Variants in CFAP92 observed in about 807,000 individuals in gnomAD.
CFAP92 encodes the protein uncharacterized protein CFAP92.
CFAP92 carries 86 observed loss-of-function variants against 106.3 expected under a neutral mutation model. That is an observed-to-expected ratio of 0.81 (90% CI 0.68 to 0.97). The LOEUF (loss-of-function observed/expected upper bound fraction) is 0.97, where lower values mean the gene tolerates loss of function less well. Among genes scored for constraint, CFAP92 ranks in the 50% least tolerant of loss-of-function variants. The probability of loss-of-function intolerance (pLI) is 0.00; values close to 1 mark genes in which losing one functional copy is unlikely to be tolerated. For synonymous variants in CFAP92, 477 were observed against 506.4 expected (o/e 0.94, Z 0.78); for missense variants, 1,204 against 1,283.8 (o/e 0.94, Z 0.95).
In CFAP92 at chr3:128,913,790, C is replaced by T. The variant is rs554527296; in HGVS notation, c.3280+1329G>A. 3.9e-5 allele frequency among the ~76,000 whole-genome samples: 6 copies of T among 152,152 alleles called. No individual in the cohort carries two copies. In the South Asian group the frequency reaches 1.2e-3, roughly 32 times the overall value. On this transcript the variant is annotated intron_variant, in intron 15 of 15. Coordinates refer to ENST00000645291, the MANE Select transcript of CFAP92 (RefSeq NM_001394090.1). ...CGTGTAAATAACCTCTCAGTGAAAC[C>T]TGAAGTTCTGTTAGTGATAGCAGGG...
At chr3:128,964,112 A>G (rs1197671905) in intron 9 of CFAP92, among the ~76,000 whole-genome samples, 3 of 152,234 alleles carry the variant, frequency 2.0e-5, no homozygotes, top group Non-Finnish European at 4.4e-5. Context: ...TTATTAGTCA[A>G]ATCAGCCAAG....
intron 8 of CFAP92, 38 bp from the exon 9 acceptor site, chr3:128,965,733 G>A (rs979288093): frequency 1.5e-5 from 6 of 397,258 alleles, no homozygotes; most frequent in Non-Finnish European, 2.2e-5. Flanking sequence ...CTTTCCTCCC[G>A]ACACCCCCAA....
chr3:128,948,414 G>T (rs1940465799), intron 9 of CFAP92, among the ~76,000 whole-genome samples: 1 of 97,914 alleles, frequency 1.0e-5, no homozygotes, highest in African/African-American at 3.4e-5. Context: ...TGTAGAGACA[G>T]AGTTTTACCA....
intron 10 of CFAP92, among the ~76,000 whole-genome samples, chr3:128,944,432 G>A (rs761280017): frequency 1.3e-5 from 2 of 152,082 alleles, no homozygotes; most frequent in Non-Finnish European, 2.9e-5. Flanking sequence ...CCTCAACTCC[G>A]GGACTCCCCA....
Position 128,945,697 on chromosome 3 carries a change from A to G in CFAP92, c.1632T>C (p.Ser544=). 6.5e-7 allele frequency: 1 copy of G among 1,536,064 alleles called. No homozygotes were observed. Among genetic ancestry groups the G allele is most frequent in the East Asian group, 2.4e-5 (1 of 40,912 alleles). Residue 544 remains serine (S), a synonymous_variant, in exon 10 of 16, where the codon TCT becomes TCC. Transcript: ENST00000645291. ...DSYLNFQALI[S]PRETENNPFE... is the part of the protein sequence containing the mutation. ...AGGGGTTGTTCTCTGTCTCTCTGGG[A>G]GAGATGAGGGCCTGGAAGTTGAGGT... is the stretch of plus-strand genomic sequence containing the variant.
upstream of CFAP92, chr3:129,004,110 C>A: frequency 1.4e-6 from 2 of 1,461,318 alleles, no homozygotes. Context: ...GGCCCAAGTT[C>A]CCCAATTCGG....
intron 4 of CFAP92, among the ~76,000 whole-genome samples, chr3:128,983,667 ATTATAGATAACAT>A (rs903841716): frequency 6.6e-6 from 1 of 152,228 alleles, no homozygotes; most frequent in African/African-American, 2.4e-5. Flanking sequence ...TCAGTGTTGA[ATTATAGATAACAT>A]TTTTGGGGAA....
In CFAP92 at chr3:128,916,144, T is replaced by C; in HGVS notation, c.2879A>G (p.Glu960Gly). Residue 960 changes from glutamate (E) to glycine (G), a missense_variant, in exon 13 of 16, where the codon GAG (glutamate) becomes GGG (glycine). Physicochemically the swap from Glu to Gly is moderately conservative, Grantham distance 98. Coordinates refer to ENST00000645291, the MANE Select transcript of CFAP92 (RefSeq NM_001394090.1). ...NYSTQTMNSTELAKKELYQEI... is the reference protein window; with the variant it reads ...NYSTQTMNSTGLAKKELYQEI... ...TTGATACAGCTCCTTCTTGGCAAGC[T>C]CTGTAGAATTCATGGTCTGGGTACT... is the stretch of plus-strand genomic sequence containing the variant. The C allele has an allele frequency of 1.6e-6, 2 of 1,232,196 alleles. No homozygotes were observed. Among genetic ancestry groups the C allele is most frequent in the Non-Finnish European group, 2.0e-6 (2 of 987,990 alleles). The allele number at this position is 1,232,196 out of a possible 1,614,324, so 76.3% of individuals were successfully genotyped here. A position where few individuals can be genotyped will look rare whatever the true frequency, so the allele number is the denominator to read the frequency against.
At chr3:128,962,411 CTT>C (rs1451139800) in intron 9 of CFAP92, among the ~76,000 whole-genome samples, 1 of 152,152 alleles carries the variant, frequency 6.6e-6, no homozygotes, top group African/African-American at 2.4e-5. Context: ...AGACAATACT[CTT>C]TTATGCACTC....
chr3:128,944,903 G>A (rs1389696056), intron 10 of CFAP92, among the ~76,000 whole-genome samples, 168 bp downstream of exon 10: 2 of 152,076 alleles, frequency 1.3e-5, no homozygotes, highest in African/African-American at 2.4e-5. Context: ...AAAGCCAATC[G>A]AGTCTTCAAG....
Position 128,945,727 on chromosome 3 carries a change from A to T in CFAP92, c.1602T>A (p.Asp534Glu). The T allele has an allele frequency of 6.5e-7, 1 of 1,535,982 alleles. No individual in the cohort carries two copies. The highest frequency in any genetic ancestry group is 1.4e-5 in the African/African-American group (1 of 73,134). The change falls in exon 10 of 16, where the codon GAT (aspartate) becomes GAA (glutamate). Residue 534 changes from aspartate (D) to glutamate (E), a missense_variant. By Grantham distance (45) the Asp-to-Glu change is conservative. Transcript: ENST00000645291. Reference sequence around the variant, plus strand: ...TGAGGGCCTGGAAGTTGAGGTATGAATCCAGAGGGTCCTCCCCAAACAGCA... The same window carrying T: ...TGAGGGCCTGGAAGTTGAGGTATGATTCCAGAGGGTCCTCCCCAAACAGCA... ...KPVLFGEDPL[D>E]SYLNFQALIS... is the part of the protein sequence containing the mutation.
chr3:128,931,537 ATATAT>A (rs1472658589), intron 12 of CFAP92, among the ~76,000 whole-genome samples: 1 of 149,648 alleles, frequency 6.7e-6, no homozygotes, highest in African/African-American at 2.4e-5. Context: ...GTATATATAT[ATATAT>A]ATTACACAAG....
chr3:128,993,066 G>C lies in CFAP92; in HGVS notation c.239C>G (p.Ser80Ter). 2 of 1,614,090 alleles carry C rather than the reference G, an allele frequency of 1.2e-6. No homozygotes were observed. Among genetic ancestry groups the C allele is most frequent in the African/African-American group, 2.7e-5 (2 of 75,072 alleles). ...PHVVPCKFTI[S>*]LAFPVNMGQK... is the part of the protein sequence containing the mutation. ...ACCCATATTCACAGGGAAGGCCAGTGAGATGGTGAATTTGCAGGGGACCAC... is the reference window on the plus strand; with the variant it reads ...ACCCATATTCACAGGGAAGGCCAGTCAGATGGTGAATTTGCAGGGGACCAC... The change falls in exon 2 of 16, where the codon TCA becomes TGA. Residue 80 changes from serine to a stop codon, truncating the protein, a stop_gained. Coordinates refer to ENST00000645291, the MANE Select transcript of CFAP92 (RefSeq NM_001394090.1). LOFTEE classifies it high-confidence loss of function.
intron 1 of CFAP92, chr3:129,001,842 G>A: frequency 1.3e-6 from 2 of 1,545,732 alleles, no homozygotes; most frequent in Middle Eastern, 1.7e-4. Flanking sequence ...CCGCGGCGCC[G>A]GCCGTCTGCC....
At position 128,910,827 on chromosome 3, in the gene CFAP92, C is replaced by T; in HGVS notation, c.3281-494G>A. The T allele has an allele frequency of 6.2e-7, 1 of 1,613,940 alleles. No individual in the cohort carries two copies. The highest frequency in any genetic ancestry group is 8.5e-7 in the Non-Finnish European group (1 of 1,179,856). ...AGCTGGACAAGTGTGAGTGGCATGT[C>T]TTGGGGGAGGGAAGGAAGGGCCCAC... On this transcript the variant is annotated intron_variant, in intron 15 of 15. Transcript: ENST00000645291.
intron 15 of CFAP92, among the ~76,000 whole-genome samples, chr3:128,911,537 A>AAGCAACTCCTGTGCCTCAGCCTCCTGAGT (rs1936320480): frequency 6.6e-6 from 1 of 152,148 alleles, no homozygotes; most frequent in Non-Finnish European, 1.5e-5. Flanking sequence ...TCCTGGGTTC[A>AAGCAACTCCTGTGCCTCAGCCTCCTGAGT]AGCAACTCCT....
At chr3:128,911,412 G>C (rs1467854028) in intron 15 of CFAP92, among the ~76,000 whole-genome samples, 1 of 152,006 alleles carries the variant, frequency 6.6e-6, no homozygotes, top group African/African-American at 2.4e-5. Flanking sequence ...AGGACCCCTG[G>C]CATCTGCCCA....
the CFAP92 span, among the ~76,000 whole-genome samples, chr3:129,018,151 C>T: frequency 1.3e-5 from 2 of 152,116 alleles, no homozygotes; most frequent in Non-Finnish European, 2.9e-5. Flanking sequence ...TTAGGAAATC[C>T]AGAGGTGCTG....
At position 128,945,669 on chromosome 3, in the gene CFAP92, C is replaced by T. The variant is rs1479979815; in HGVS notation, c.1660G>A (p.Glu554Lys). ...GGGTACCACATCTTGTTCTGGGACT[C>T]AAAGGGGTTGTTCTCTGTCTCTCTG... ...SPRETENNPF[E>K]SQNKMWYPYG... Residue 554 changes from glutamate to lysine, a missense_variant, in exon 10 of 16, where the codon GAG (glutamate) becomes AAG (lysine). Physicochemically the swap from Glu to Lys is moderately conservative, Grantham distance 56. Transcript: ENST00000645291. The T allele has an allele frequency of 1.3e-6, 2 of 1,536,072 alleles. No individual in the cohort carries two copies. The highest frequency in any genetic ancestry group is 1.2e-5 in the South Asian group (1 of 84,038).
Sources: allele counts gnomAD v4.1 joint callset (sites outside exome capture counted in the v4.1 genomes callset), GRCh38; gene constraint gnomAD v4.1.1; transcripts MANE v1.5; gene names NCBI Gene and HGNC (gene_info 2026-07-23, HGNC 2026-07-21).